The following TEX19 variants were observed in gnomAD, a reference collection of about 807,000 sequenced individuals.
TEX19 encodes testis-expressed protein 19.
For missense variants in TEX19, 184 were observed against 194.4 expected, an observed-to-expected ratio of 0.95 and a Z score of 0.32; for synonymous variants, 77 against 73.9, an observed-to-expected ratio of 1.04 and a Z score of -0.21.
rs2052409300 is a variant in TEX19, at chr17:82,363,126, T to G, written c.*481T>G. The G allele has an allele frequency of 6.0e-6, 1 of 167,832 alleles. No individual in the cohort carries two copies. Among genetic ancestry groups the G allele is most frequent in the Non-Finnish European group, 1.4e-5 (1 of 68,992 alleles). 10.4% of individuals were successfully genotyped at this position (167,832 alleles called of 1,614,324 possible). On this transcript the variant is annotated 3_prime_UTR_variant, in exon 2 of 2. Coordinates refer to ENST00000333437, the MANE Select transcript of TEX19 (RefSeq NM_207459.4). The stretch of plus-strand genomic sequence containing the variant: ...CCCCTGAGACACAGAGCAGGGGTCC[T>G]GAGGAAAGCCTGGCTGTTGCAGGAG...
chr17:82,359,562 T>C (rs1209152389), intron 1 of TEX19, among the ~76,000 whole-genome samples: 1 of 133,692 alleles, frequency 7.5e-6, no homozygotes, highest in African/African-American at 3.0e-5. Context: ...CCCTCAAGTT[T>C]CCCTCAGTTT....
Position 82,362,089 on chromosome 17 carries a change from C to G in TEX19, c.-62C>G. On this transcript the variant is annotated 5_prime_UTR_variant, in exon 2 of 2. Transcript: ENST00000333437. The surrounding 1 kb of genome is among the most constrained non-coding windows in gnomAD (Gnocchi z 5.5). ...GCCTCAGCACCTGTGGCCAGACCGT[C>G]CAAGATCCTCTGAAGGCCCAGCTCT... The G allele has an allele frequency of 6.4e-7, 1 of 1,553,312 alleles. No homozygotes were observed. Among genetic ancestry groups the G allele is most frequent in the Non-Finnish European group, 8.7e-7 (1 of 1,154,908 alleles).
In TEX19 at chr17:82,362,498, C is replaced by A. The variant is rs1276102321; in HGVS notation, c.348C>A (p.Asp116Glu). 5 of 1,612,914 alleles carry A rather than the reference C, an allele frequency of 3.1e-6. No individual in the cohort carries two copies. The Admixed American group carries it at 8.3e-5, about 27-fold the overall frequency. Residue 116 changes from aspartate (D) to glutamate (E), a missense_variant, in exon 2 of 2, where the codon GAC (aspartate) becomes GAA (glutamate). Coordinates refer to ENST00000333437, the MANE Select transcript of TEX19 (RefSeq NM_207459.4). The surrounding 1 kb of genome is among the most constrained non-coding windows in gnomAD (Gnocchi z 5.5). The stretch of plus-strand genomic sequence containing the variant: ...AAGGGTTGGAAGATGCAGGTCTGGA[C>A]CCCCACTTTGTCCCCACTGAACTAT... ...APEGLEDAGL[D>E]PHFVPTELWP...
intron 1 of TEX19, among the ~76,000 whole-genome samples, 199 bp downstream of exon 1, chr17:82,359,484 T>C (rs1239724957): frequency 1.5e-5 from 2 of 131,548 alleles, no homozygotes; most frequent in Admixed American, 7.6e-5. Flanking sequence ...TCAGGTTCCC[T>C]CAGTTTCCCT....
rs2052413424 is a variant in TEX19, at chr17:82,363,697, T to A, written c.*1052T>A. ...AGAGCTGGTTTTAAATGTTGGCCGT[T>A]GATGCAATTTAACCATTTAATTCCT... is the stretch of plus-strand genomic sequence containing the variant. On this transcript the variant is annotated 3_prime_UTR_variant, in exon 2 of 2. Transcript: ENST00000333437. The A allele has an allele frequency of 6.0e-6, 1 of 167,050 alleles. No homozygotes were observed. The highest frequency in any genetic ancestry group is 1.5e-5 in the Non-Finnish European group (1 of 68,120). 10.3% of individuals were successfully genotyped at this position (167,050 alleles called of 1,614,324 possible).
intron 1 of TEX19, among the ~76,000 whole-genome samples, chr17:82,360,886 A>AG (rs2052383796): frequency 2.6e-5 from 3 of 116,464 alleles, no homozygotes; most frequent in East Asian, 2.6e-4. Context: ...AGGTTCCCTC[A>AG]GTTTCCCCCA....
chr17:82,360,544 T>G (rs376123745), intron 1 of TEX19, among the ~76,000 whole-genome samples: 51 of 56,836 alleles, frequency 9.0e-4, no homozygotes, highest in South Asian at 1.8e-3. Context: ...TTTCCCTCAG[T>G]TTCCCCCAGT....
Position 82,362,241 on chromosome 17 carries a change from C to A in TEX19, c.91C>A (p.Leu31Ile). 6.2e-7 allele frequency: 1 copy of A among 1,613,982 alleles called. No homozygotes were observed. The highest frequency in any genetic ancestry group is 2.2e-5 in the East Asian group (1 of 44,890). ...WMYQLQHGDQ[L>I]SICFTCFKAA... is the part of the protein sequence containing the mutation. Reference sequence around the variant, plus strand: ...GTATCAGCTTCAACATGGAGATCAGCTAAGCATTTGCTTCACCTGCTTCAA... The same window carrying A: ...GTATCAGCTTCAACATGGAGATCAGATAAGCATTTGCTTCACCTGCTTCAA... The change falls in exon 2 of 2, where the codon CTA (leucine) becomes ATA (isoleucine). Residue 31 changes from leucine (L) to isoleucine (I), a missense_variant. Physicochemically the swap from Leu to Ile is conservative, Grantham distance 5. Coordinates refer to ENST00000333437, the MANE Select transcript of TEX19 (RefSeq NM_207459.4). This position sits in a 1 kb window ranked among gnomAD's most constrained non-coding sequence, Gnocchi z 5.5.
chr17:82,362,431 GC>G lies in TEX19; in HGVS notation c.282del (p.Ser95LeufsTer87). 1 of 1,612,844 alleles carries G rather than the reference GC, an allele frequency of 6.2e-7. No individual in the cohort carries two copies. The highest frequency in any genetic ancestry group is 8.5e-7 in the Non-Finnish European group (1 of 1,179,850). On this transcript the variant is annotated frameshift_variant, in exon 2 of 2. Transcript: ENST00000333437. LOFTEE classifies it low-confidence loss of function (END_TRUNC). This position sits in a 1 kb window ranked among gnomAD's most constrained non-coding sequence, Gnocchi z 5.5. ...AGCCCAGGACAGCCTGTGCAGGGGG[GC>G]TCTGAGGCATGGGGGCCAGGGACCC... ...GQSPGQPVQG[G>X]SEAWGPGTLA...
rs930463077 is a variant in TEX19 at position 82,362,087 on chromosome 17, G to A, written c.-64G>A. The stretch of plus-strand genomic sequence containing the variant: ...TGGCCTCAGCACCTGTGGCCAGACC[G>A]TCCAAGATCCTCTGAAGGCCCAGCT... On this transcript the variant is annotated 5_prime_UTR_variant, in exon 2 of 2. Coordinates refer to ENST00000333437, the MANE Select transcript of TEX19 (RefSeq NM_207459.4). This position sits in a 1 kb window ranked among gnomAD's most constrained non-coding sequence, Gnocchi z 5.5. The A allele has an allele frequency of 6.0e-5, 93 of 1,550,790 alleles. No homozygotes were observed. Among genetic ancestry groups the A allele is most frequent in the Middle Eastern group, 3.7e-4 (2 of 5,468 alleles).
At position 82,362,014 on chromosome 17, in the gene TEX19, T is replaced by G; in HGVS notation, c.-137T>G. On this transcript the variant is annotated 5_prime_UTR_variant, in exon 2 of 2. Coordinates refer to ENST00000333437, the MANE Select transcript of TEX19 (RefSeq NM_207459.4). This position sits in a 1 kb window ranked among gnomAD's most constrained non-coding sequence, Gnocchi z 5.5. Reference sequence around the variant, plus strand: ...CAAATCCCTGGATAGGAAACCCCTTTCTCCTCCTGCTCCTTGTCCCCTTCA... The same window carrying G: ...CAAATCCCTGGATAGGAAACCCCTTGCTCCTCCTGCTCCTTGTCCCCTTCA... The G allele has an allele frequency of 8.2e-7, 1 of 1,218,932 alleles. No individual in the cohort carries two copies. Among genetic ancestry groups the G allele is most frequent in the Admixed American group, 2.4e-5 (1 of 41,816 alleles). The allele number at this position is 1,218,932 out of a possible 1,614,324, so 75.5% of individuals were successfully genotyped here. A position where few individuals can be genotyped will look rare whatever the true frequency, so the allele number is the denominator to read the frequency against.
Position 82,361,980 on chromosome 17 carries a change from A to G in TEX19, c.-171A>G, listed in dbSNP as rs956185847. On this transcript the variant is annotated 5_prime_UTR_variant, in exon 2 of 2. Transcript: ENST00000333437. Reference sequence around the variant, plus strand: ...CACTGAGCTGGGACCCAGGTCATCCACCCCACCCCAAATCCCTGGATAGGA... The same window carrying G: ...CACTGAGCTGGGACCCAGGTCATCCGCCCCACCCCAAATCCCTGGATAGGA... The G allele has an allele frequency of 1.7e-5, 16 of 925,382 alleles. No individual in the cohort carries two copies. The highest frequency in any genetic ancestry group is 3.4e-4 in the Middle Eastern group (1 of 2,934). The allele number at this position is 925,382 out of a possible 1,614,324, so 57.3% of individuals were successfully genotyped here.
chr17:82,360,838 T>G (rs1248179078), intron 1 of TEX19, among the ~76,000 whole-genome samples: 5 of 113,436 alleles, frequency 4.4e-5, no homozygotes, highest in Admixed American at 8.7e-5. Flanking sequence ...GTTCCCTCAG[T>G]TTCCCCCAGT....
rs544934912 is a variant in TEX19, at chr17:82,363,513, C to G, written c.*868C>G. On this transcript the variant is annotated 3_prime_UTR_variant, in exon 2 of 2. Coordinates refer to ENST00000333437, the MANE Select transcript of TEX19 (RefSeq NM_207459.4). ...GGCACAGAACTTGTGCCTATTTCAC[C>G]TTGGCCATGGGGAGGGACATTGCTT... 3.8e-3 allele frequency: 631 copies of G among 167,174 alleles called. 4 individuals carry two copies. The highest frequency in any genetic ancestry group is 4.5e-3 in the Non-Finnish European group (305 of 68,132). 10.4% of individuals were successfully genotyped at this position (167,174 alleles called of 1,614,324 possible). A position where few individuals can be genotyped will look rare whatever the true frequency, so the allele number is the denominator to read the frequency against.
rs775496340 is a variant in TEX19 at position 82,362,349 on chromosome 17, A to G, written c.199A>G (p.Thr67Ala). Residue 67 changes from threonine to alanine, a missense_variant, in exon 2 of 2, where the codon ACT becomes GCT. Thr to Ala is a moderately conservative substitution (Grantham distance 58, BLOSUM62 0). Transcript: ENST00000333437. The surrounding 1 kb of genome is among the most constrained non-coding windows in gnomAD (Gnocchi z 5.5). ...DNWDPELMEH[T>A]EAESEQEGSS... ...CTGGGACCCTGAGCTGATGGAGCAC[A>G]CTGAGGCAGAGTCAGAGCAGGAGGG... is the stretch of plus-strand genomic sequence containing the variant. 6.2e-7 allele frequency: 1 copy of G among 1,613,724 alleles called. No individual in the cohort carries two copies. Among genetic ancestry groups the G allele is most frequent in the Non-Finnish European group, 8.5e-7 (1 of 1,180,008 alleles).
chr17:82,359,524 CT>C (rs2052357869), intron 1 of TEX19, among the ~76,000 whole-genome samples: 2 of 135,424 alleles, frequency 1.5e-5, no homozygotes, highest in Non-Finnish European at 3.2e-5. Flanking sequence ...CTCAGGTTCC[CT>C]CAGTTTCCCT....
intron 1 of TEX19, among the ~76,000 whole-genome samples, chr17:82,360,033 C>G (rs543824233): frequency 2.2e-5 from 3 of 138,860 alleles, no homozygotes; most frequent in African/African-American, 8.5e-5. Context: ...CCTCAGGTTC[C>G]CCCAGTTTCC....
chr17:82,360,551 CAGTTTCCCTCA>C (rs2143074495), intron 1 of TEX19, among the ~76,000 whole-genome samples: 1 of 106,758 alleles, frequency 9.4e-6, no homozygotes. Flanking sequence ...CAGTTTCCCC[CAGTTTCCCTCA>C]AGTTTCCCTC....
rs1390892071 is a variant in TEX19 at position 82,362,399 on chromosome 17, G to C, written c.249G>C (p.Trp83Cys). The C allele has an allele frequency of 9.3e-6, 15 of 1,613,124 alleles. No individual in the cohort carries two copies. Among genetic ancestry groups the C allele is most frequent in the African/African-American group, 1.3e-5 (1 of 74,942 alleles). The stretch of plus-strand genomic sequence containing the variant: ...GGTCCTCAGGGATGGAGCTGAGCTG[G>C]GGGCAGAGCCCAGGACAGCCTGTGC... ...QEGSSGMELSWGQSPGQPVQG... is the reference protein window; with the variant it reads ...QEGSSGMELSCGQSPGQPVQG... The change falls in exon 2 of 2, where the codon TGG becomes TGC. Residue 83 changes from tryptophan to cysteine, a missense_variant. By Grantham distance (215) the Trp-to-Cys change is radical. Transcript: ENST00000333437. The surrounding 1 kb of genome is among the most constrained non-coding windows in gnomAD (Gnocchi z 5.5).
Sources: gnomAD v4.1 joint callset for allele counts (sites outside exome capture counted in the v4.1 genomes callset) on GRCh38, gnomAD v4.1.1 for gene constraint, Gnocchi (gnomAD v3.1) non-coding constraint, MANE v1.5 for transcripts, NCBI Gene and HGNC (gene_info 2026-07-23, HGNC 2026-07-21) for gene names.